The following SSBP2 variants were observed in gnomAD, a reference collection of about 807,000 sequenced individuals.
The protein encoded by SSBP2 is single-stranded DNA-binding protein 2.
SSBP2 carries 17 observed loss-of-function variants against 61.8 expected under a neutral mutation model. The observed-to-expected ratio is 0.28, with a 90% CI of 0.19 to 0.41. The LOEUF (loss-of-function observed/expected upper bound fraction) is 0.41, where lower values mean the gene tolerates loss of function less well. SSBP2 is among the 10% of genes least tolerant of loss of function. The pLI is 1.00. For synonymous variants in SSBP2, 139 were observed against 141.3 expected (o/e 0.98, Z 0.12); for missense variants, 310 against 458.7 (o/e 0.68, Z 2.96).
intron 4 of SSBP2, among the ~76,000 whole-genome samples, chr5:81,536,385 G>A (rs1770805502): frequency 6.6e-6 from 1 of 151,998 alleles, no homozygotes; most frequent in Admixed American, 6.6e-5. Context: ...CTTGTGTCAT[G>A]GGGGTTCGTT....
At chr5:81,587,761 GCGCA>G (rs1554092917) in intron 4 of SSBP2, among the ~76,000 whole-genome samples, 4 of 129,364 alleles carry the variant, frequency 3.1e-5, no homozygotes, top group African/African-American at 5.2e-5. Context: ...ACACACGCGC[GCGCA>G]CACACACACA....
At chr5:81,614,027 T>C (rs1336062524) in intron 4 of SSBP2, among the ~76,000 whole-genome samples, 1 of 152,178 alleles carries the variant, frequency 6.6e-6, no homozygotes, top group Non-Finnish European at 1.5e-5. Context: ...GATGAGGTAA[T>C]CACAAGCACT....
intron 4 of SSBP2, among the ~76,000 whole-genome samples, chr5:81,533,323 T>A (rs992917399): frequency 1.1e-4 from 16 of 151,824 alleles, no homozygotes; most frequent in Non-Finnish European, 1.6e-4. Flanking sequence ...TTAAAAAAAA[T>A]TATAATGAGT....
At chr5:81,556,608 A>G (rs1168409196) in intron 4 of SSBP2, among the ~76,000 whole-genome samples, 1 of 151,976 alleles carries the variant, frequency 6.6e-6, no homozygotes, top group Admixed American at 6.6e-5. Context: ...AGGGTCCTTT[A>G]TTTACTTTTA....
chr5:81,565,528 T>A (rs1349553862), intron 4 of SSBP2, among the ~76,000 whole-genome samples: 1 of 152,176 alleles, frequency 6.6e-6, no homozygotes, highest in African/African-American at 2.4e-5. Context: ...TAGAAGTGTT[T>A]CCCTATACTA....
intron 1 of SSBP2, among the ~76,000 whole-genome samples, chr5:81,684,378 A>G (rs1485167480): frequency 3.3e-5 from 5 of 152,212 alleles, no homozygotes; most frequent in Non-Finnish European, 1.5e-5. Flanking sequence ...AAATTACATA[A>G]TAATCTGGAA....
chr5:81,719,567 G>A (rs188727647), intron 1 of SSBP2, among the ~76,000 whole-genome samples: 4 of 152,272 alleles, frequency 2.6e-5, no homozygotes, highest in Admixed American at 6.5e-5. Context: ...GCTGGCTCAC[G>A]TCTTAAAATG....
intron 4 of SSBP2, among the ~76,000 whole-genome samples, chr5:81,528,430 C>T (rs536014481): frequency 2.6e-5 from 4 of 152,122 alleles, no homozygotes; most frequent in African/African-American, 9.6e-5. Context: ...CAATAAATTA[C>T]ACAACCTTTA....
intron 4 of SSBP2, among the ~76,000 whole-genome samples, chr5:81,532,254 T>C (rs1770474139): frequency 6.6e-6 from 1 of 152,112 alleles, no homozygotes; most frequent in African/African-American, 2.4e-5. Context: ...TATAATACTA[T>C]TTTATAAAGC....
At chr5:81,708,613 G>C (rs539892552) in intron 1 of SSBP2, among the ~76,000 whole-genome samples, 1 of 152,050 alleles carries the variant, frequency 6.6e-6, no homozygotes, top group East Asian at 1.9e-4. Context: ...CCTTGTGCAG[G>C]AGAAGGAATT....
chr5:81,547,832 G>T (rs915876717), intron 4 of SSBP2, among the ~76,000 whole-genome samples: 2 of 152,066 alleles, frequency 1.3e-5, no homozygotes, highest in African/African-American at 4.8e-5. Context: ...GCTACATACT[G>T]TATGATTCCA....
At chr5:81,585,267 T>A (rs1383225968) in intron 4 of SSBP2, among the ~76,000 whole-genome samples, 1 of 152,124 alleles carries the variant, frequency 6.6e-6, no homozygotes, top group Non-Finnish European at 1.5e-5. Flanking sequence ...TTTCTACCTC[T>A]CCTTATACTA....
chr5:81,751,005 G>C lies in SSBP2; in HGVS notation c.38C>G (p.Pro13Arg), dbSNP rs1477096854. The change falls in exon 1 of 17, where the codon CCG becomes CGG. Residue 13 changes from proline to arginine, a missense_variant. Pro to Arg is a moderately radical substitution (Grantham distance 103, BLOSUM62 -2). Coordinates refer to ENST00000320672, the MANE Select transcript of SSBP2 (RefSeq NM_012446.5). ...CTTCTCCCGGGCCTGGCTGTCGGAC[G>C]GGACGGCGCTGCTGTTACTCTTGCC... The C allele has an allele frequency of 1.9e-6, 3 of 1,599,338 alleles. No individual in the cohort carries two copies. The highest frequency in any genetic ancestry group is 1.1e-5 in the South Asian group (1 of 88,488).
intron 6 of SSBP2, among the ~76,000 whole-genome samples, chr5:81,476,651 T>C (rs571275390): frequency 6.6e-6 from 1 of 152,330 alleles, no homozygotes; most frequent in African/African-American, 2.4e-5. Context: ...TGCTGGTGTC[T>C]GCAGGTTTCT....
intron 16 of SSBP2, among the ~76,000 whole-genome samples, chr5:81,423,256 A>G (rs763227354): frequency 6.6e-6 from 1 of 152,228 alleles, no homozygotes; most frequent in Non-Finnish European, 1.5e-5. Context: ...AGAGGTTGCT[A>G]CTGAGTTCAT....
At chr5:81,460,644 G>A (rs1161168753) in intron 10 of SSBP2, among the ~76,000 whole-genome samples, 1 of 152,124 alleles carries the variant, frequency 6.6e-6, no homozygotes, top group Non-Finnish European at 1.5e-5. Flanking sequence ...AGATGTAATT[G>A]ATATAGCAAA....
intron 1 of SSBP2, among the ~76,000 whole-genome samples, chr5:81,675,484 AAATAAAACG>A (rs1751897365): frequency 6.6e-6 from 1 of 152,178 alleles, no homozygotes; most frequent in Non-Finnish European, 1.5e-5. Flanking sequence ...AGGGATGCCA[AAATAAAACG>A]GTACAAGTGG....
chr5:81,734,709 C>T (rs141965793), intron 1 of SSBP2, among the ~76,000 whole-genome samples: 91 of 152,270 alleles, frequency 6.0e-4, no homozygotes, highest in African/African-American at 1.9e-3. Flanking sequence ...CGGTGGCTCA[C>T]GCCTGTAATG....
At chr5:81,614,136 G>C (rs961537208) in intron 4 of SSBP2, among the ~76,000 whole-genome samples, 11 of 152,046 alleles carry the variant, frequency 7.2e-5, no homozygotes, top group African/African-American at 2.7e-4. Context: ...CGAGGCGGGC[G>C]GATCACGAGG....
Sources: gnomAD v4.1 joint callset for allele counts (sites outside exome capture counted in the v4.1 genomes callset) on GRCh38, gnomAD v4.1.1 for gene constraint, MANE v1.5 for transcripts, NCBI Gene and HGNC (gene_info 2026-07-23, HGNC 2026-07-21) for gene names.